The following ENTPD3 variants were observed in gnomAD, a reference collection of about 807,000 sequenced individuals.
The protein encoded by ENTPD3 is ectonucleoside triphosphate diphosphohydrolase 3, also known as CD39 antigen-like 3.
A neutral mutation model predicts 51.2 loss-of-function variants in ENTPD3; 60 were observed. That is an observed-to-expected ratio of 1.17 (90% CI 0.95 to 1.45). ENTPD3 has a LOEUF of 1.45. ENTPD3 is among the 40% of genes most tolerant of loss of function. The pLI is 0.00. For missense variants in ENTPD3, 593 were observed against 641.1 expected (o/e 0.93, Z 0.81); for synonymous variants, 221 against 238.4 (o/e 0.93, Z 0.67).
chr3:40,428,686 T>G lies in ENTPD3; in HGVS notation c.*1178T>G, dbSNP rs1956023864. On this transcript the variant is annotated 3_prime_UTR_variant, in exon 11 of 11. Transcript: ENST00000301825. ...TTTCTCCTAAGGACCCTAGGTGATA[T>G]TTATGAGAGAAATTTTTTTCCCTAG... 6.6e-6 allele frequency: 1 copy of G among 152,204 alleles called. No homozygotes were observed. The highest frequency in any genetic ancestry group is 2.4e-5 in the African/African-American group (1 of 41,454). 9.4% of individuals were successfully genotyped at this position (152,204 alleles called of 1,614,324 possible). A position where few individuals can be genotyped will look rare whatever the true frequency, so the allele number is the denominator to read the frequency against.
rs370735734 is a variant in ENTPD3, at chr3:40,423,918, C to T, written c.1308C>T (p.Tyr436=). ...TCTACCACTTGTTTGTGAACGGTTA[C>T]AAATTCACAGAGGAGACTTGGCCCC... ...NYIYHLFVNG[Y]KFTEETWPQI... Residue 436 remains tyrosine (Y), a synonymous_variant, in exon 10 of 11, where the codon TAC becomes TAT. Transcript: ENST00000301825. 25 of 1,614,142 alleles carry T rather than the reference C, an allele frequency of 1.5e-5. No individual in the cohort carries two copies. The highest frequency in any genetic ancestry group is 1.9e-5 in the Non-Finnish European group (23 of 1,180,016).
At chr3:40,401,932 G>C (rs991844313) in intron 4 of ENTPD3, among the ~76,000 whole-genome samples, 1 of 151,576 alleles carries the variant, frequency 6.6e-6, no homozygotes, top group Non-Finnish European at 1.5e-5. Context: ...CTGTTTCCTT[G>C]TTCTTTATAG....
At chr3:40,401,786 A>T (rs1955363279) in intron 4 of ENTPD3, among the ~76,000 whole-genome samples, 1 of 152,232 alleles carries the variant, frequency 6.6e-6, no homozygotes, top group African/African-American at 2.4e-5. Flanking sequence ...CACAGGCTGT[A>T]CAAAAAAAAG....
At chr3:40,392,424 A>C (rs1955080842) in intron 3 of ENTPD3, 1 of 389,520 alleles carries the variant, frequency 2.6e-6, no homozygotes, top group Non-Finnish European at 4.6e-6. Flanking sequence ...ATTTGTAACC[A>C]AGAGTTGCAG....
intron 10 of ENTPD3, chr3:40,425,145 C>T (rs999099340): frequency 2.5e-5 from 5 of 199,328 alleles, no homozygotes; most frequent in Admixed American, 5.2e-5. Flanking sequence ...AGGCTGGGCA[C>T]GGTGGCTCAC....
At chr3:40,417,691 G>T (rs1955778566) in intron 7 of ENTPD3, among the ~76,000 whole-genome samples, 2 of 152,112 alleles carry the variant, frequency 1.3e-5, no homozygotes, top group Admixed American at 1.3e-4. Flanking sequence ...CCTATCAGGG[G>T]ATCTCAATAC....
chr3:40,418,505 A>G (rs375071295), intron 7 of ENTPD3, among the ~76,000 whole-genome samples: 7 of 152,326 alleles, frequency 4.6e-5, no homozygotes, highest in East Asian at 3.9e-4. Context: ...TTTCTTATCA[A>G]TAAGTCTCCA....
Position 40,427,569 on chromosome 3 carries a change from C to A in ENTPD3, c.*61C>A, listed in dbSNP as rs1956009729. On this transcript the variant is annotated 3_prime_UTR_variant, in exon 11 of 11. Transcript: ENST00000301825. Reference sequence around the variant, plus strand: ...TAGAGTCAGCCTGGGTGGCACCAGGCAATGCAGGTGAAGTGGCTGCCTTCA... The same window carrying A: ...TAGAGTCAGCCTGGGTGGCACCAGGAAATGCAGGTGAAGTGGCTGCCTTCA... The A allele has an allele frequency of 1.5e-6, 2 of 1,297,866 alleles. No homozygotes were observed. Among genetic ancestry groups the A allele is most frequent in the South Asian group, 1.2e-5 (1 of 82,456 alleles). 80.4% of individuals were successfully genotyped at this position (1,297,866 alleles called of 1,614,324 possible). A position where few individuals can be genotyped will look rare whatever the true frequency, so the allele number is the denominator to read the frequency against.
intron 4 of ENTPD3, among the ~76,000 whole-genome samples, chr3:40,411,348 GTATAA>G (rs1955628091): frequency 6.6e-6 from 1 of 151,814 alleles, no homozygotes. Context: ...ATTTGTACAG[GTATAA>G]TAATTCAACT....
At chr3:40,388,822 C>T (rs569629002) in intron 2 of ENTPD3, among the ~76,000 whole-genome samples, 1 of 152,226 alleles carries the variant, frequency 6.6e-6, no homozygotes, top group African/African-American at 2.4e-5. Flanking sequence ...TTGTAATAAG[C>T]TTTTCTGCAA....
intron 3 of ENTPD3, among the ~76,000 whole-genome samples, chr3:40,397,898 A>G (rs1158012970): frequency 6.6e-6 from 1 of 152,180 alleles, no homozygotes; most frequent in Non-Finnish European, 1.5e-5. Context: ...CATTAGACAG[A>G]GGATTACTTA....
chr3:40,394,708 T>C (rs1427220200), intron 3 of ENTPD3, among the ~76,000 whole-genome samples: 2 of 152,150 alleles, frequency 1.3e-5, no homozygotes, highest in Non-Finnish European at 2.9e-5. Context: ...GGGAAGGGAT[T>C]GGCCTCAGAT....
chr3:40,428,007 T>C lies in ENTPD3; in HGVS notation c.*499T>C. 1 of 166,656 alleles carries C rather than the reference T, an allele frequency of 6.0e-6. No homozygotes were observed. The highest frequency in any genetic ancestry group is 1.6e-4 in the East Asian group (1 of 6,148). 10.3% of individuals were successfully genotyped at this position (166,656 alleles called of 1,614,324 possible). ...AGTGAACCCCCTCAGATCAGTAGAA[T>C]ATAGTATCTGGGGGAGAAGACTTAC... On this transcript the variant is annotated 3_prime_UTR_variant, in exon 11 of 11. Coordinates refer to ENST00000301825, the MANE Select transcript of ENTPD3 (RefSeq NM_001248.4).
At chr3:40,426,282 T>A (rs990194481) in intron 10 of ENTPD3, among the ~76,000 whole-genome samples, 3 of 151,920 alleles carry the variant, frequency 2.0e-5, no homozygotes, top group African/African-American at 7.2e-5. Context: ...CTAATTTTTG[T>A]ATTTTTGTAG....
At chr3:40,425,534 A>T (rs1292050794) in intron 10 of ENTPD3, among the ~76,000 whole-genome samples, 3 of 152,204 alleles carry the variant, frequency 2.0e-5, no homozygotes, top group Non-Finnish European at 4.4e-5. Context: ...TAAAATAAGA[A>T]GAGAAATAAA....
rs545361567 is a variant in ENTPD3, at chr3:40,400,788, C to T, written c.169-106C>T. 132 of 775,124 alleles carry T rather than the reference C, an allele frequency of 1.7e-4. No homozygotes were observed. In the Middle Eastern group the frequency reaches 5.8e-3, roughly 34 times the overall value. 48.0% of individuals were successfully genotyped at this position (775,124 alleles called of 1,614,324 possible). ...TCTTATTGATTAGCCCTTCCCTAAG[C>T]GAAGCAGTGTGGATTAAGGTACTCA... is the stretch of plus-strand genomic sequence containing the variant. On this transcript the variant is annotated intron_variant, in intron 3 of 10. Transcript: ENST00000301825.
chr3:40,421,025 A>ATTT (rs1165623479), intron 7 of ENTPD3, among the ~76,000 whole-genome samples: 11 of 142,210 alleles, frequency 7.7e-5, no homozygotes, highest in African/African-American at 2.6e-4. Flanking sequence ...ATTAATTTAA[A>ATTT]TTTTTTTTTT....
Position 40,427,645 on chromosome 3 carries a change from A to G in ENTPD3, c.*137A>G, listed in dbSNP as rs1956010972. On this transcript the variant is annotated 3_prime_UTR_variant, in exon 11 of 11. Coordinates refer to ENST00000301825, the MANE Select transcript of ENTPD3 (RefSeq NM_001248.4). ...CACCTAGGTCACGTGCCTCTCAAAT[A>G]CTGATTTCTGCCACAGCACCTCTTG... 7.5e-6 allele frequency: 5 copies of G among 666,934 alleles called. No individual in the cohort carries two copies. The South Asian group carries it at 9.1e-5, about 12-fold the overall frequency. The allele number at this position is 666,934 out of a possible 1,614,324, so 41.3% of individuals were successfully genotyped here.
At chr3:40,404,916 CT>C (rs1198898218) in intron 4 of ENTPD3, among the ~76,000 whole-genome samples, 1 of 152,200 alleles carries the variant, frequency 6.6e-6, no homozygotes, top group Admixed American at 6.5e-5. Context: ...CCAGTTGCTA[CT>C]GTTTTCCATG....
Sources: gnomAD v4.1 joint callset for allele counts (sites outside exome capture counted in the v4.1 genomes callset) on GRCh38, gnomAD v4.1.1 for gene constraint, MANE v1.5 for transcripts, NCBI Gene and HGNC (gene_info 2026-07-23, HGNC 2026-07-21) for gene names.